RPL39L: variants seen among roughly 807,000 people sequenced by gnomAD.
RPL39L encodes the protein ribosomal protein eL39-like 2.
For synonymous variants in RPL39L, 16 were observed against 20.1 expected (o/e 0.80, Z 0.55); for missense variants, 48 against 58.9 (o/e 0.81, Z 0.61).
chr3:187,123,853 G>C (rs1393328904), intron 2 of RPL39L, among the ~76,000 whole-genome samples: 1 of 152,202 alleles, frequency 6.6e-6, no homozygotes, highest in Non-Finnish European at 1.5e-5. Flanking sequence ...GACACTTTGG[G>C]CTAGAAGCTC....
At position 187,135,000 on chromosome 3, in the gene RPL39L, C is replaced by T. The variant is rs1720550090; in HGVS notation, c.-93+4213G>A. Among the ~76,000 whole-genome samples, 3 of 152,206 alleles carry T rather than the reference C, an allele frequency of 2.0e-5. No individual in the cohort carries two copies. In the South Asian group the frequency reaches 6.2e-4, roughly 32 times the overall value. On this transcript the variant is annotated intron_variant, in intron 1 of 2. Transcript: ENST00000296277. Reference sequence around the variant, plus strand: ...CTTTGCATGTTGGGTGAAAGGGAAGCCTCAGAAAGGCAGTAATTTGAGCCA... The same window carrying T: ...CTTTGCATGTTGGGTGAAAGGGAAGTCTCAGAAAGGCAGTAATTTGAGCCA...
chr3:187,127,500 T>C (rs1274028741), intron 2 of RPL39L, among the ~76,000 whole-genome samples: 1 of 152,218 alleles, frequency 6.6e-6, no homozygotes, highest in African/African-American at 2.4e-5. Flanking sequence ...AGAACGCTGG[T>C]AATTTTCTAT....
chr3:187,128,416 AT>A (rs887022606), intron 1 of RPL39L, among the ~76,000 whole-genome samples: 1 of 152,126 alleles, frequency 6.6e-6, no homozygotes, highest in Non-Finnish European at 1.5e-5. Context: ...AATATTTGCC[AT>A]TTTTTTGATT....
chr3:187,129,075 G>C (rs1489826026), intron 1 of RPL39L, among the ~76,000 whole-genome samples: 1 of 152,202 alleles, frequency 6.6e-6, no homozygotes, highest in Admixed American at 6.5e-5. Flanking sequence ...TATGTGGCAA[G>C]ACAGTGATGA....
chr3:187,126,415 C>T (rs894197642), intron 2 of RPL39L, among the ~76,000 whole-genome samples: 1 of 152,090 alleles, frequency 6.6e-6, no homozygotes, highest in Non-Finnish European at 1.5e-5. Flanking sequence ...CTGCCCGCCT[C>T]GGCCTCCCAA....
chr3:187,128,650 C>T (rs1720438169), intron 1 of RPL39L, among the ~76,000 whole-genome samples: 1 of 152,122 alleles, frequency 6.6e-6, no homozygotes, highest in Non-Finnish European at 1.5e-5. Context: ...GCTGGGACTA[C>T]AGGTTATGTC....
At chr3:187,137,198 CAAAAAAAAAAAAA>C (rs33967617) in intron 1 of RPL39L, among the ~76,000 whole-genome samples, 1 of 37,636 alleles carries the variant, frequency 2.7e-5, no homozygotes, top group African/African-American at 8.9e-5. Flanking sequence ...CACTCTTCCT[CAAAAAAAAAAAAA>C]AAAAAAAAAA....
chr3:187,137,690 G>A (rs866488466), intron 1 of RPL39L, among the ~76,000 whole-genome samples: 4 of 151,776 alleles, frequency 2.6e-5, no homozygotes, highest in African/African-American at 2.4e-5. Flanking sequence ...GGGTGTGGTG[G>A]CAGGCACAGC....
rs1003856417 is a variant in RPL39L, at chr3:187,121,361, C to A, written c.-28-33G>T. The A allele has an allele frequency of 1.9e-5, 29 of 1,562,722 alleles. No individual in the cohort carries two copies. In the African/African-American group the frequency reaches 3.0e-4, roughly 16 times the overall value. ...GGAGAAAGGGAGAGAGAGACAGAGA[C>A]AATATTACCATAGGATAGGATAAGG... On this transcript the variant is annotated intron_variant, in intron 2 of 2. Transcript: ENST00000296277.
chr3:187,129,379 A>G lies in RPL39L; in HGVS notation c.-92-1317T>C, dbSNP rs2287137. Among the ~76,000 whole-genome samples, 878 of 152,320 alleles carry G rather than the reference A, an allele frequency of 5.8e-3. 16 individuals are homozygous for G. Among genetic ancestry groups the G allele is most frequent in the East Asian group, 0.052 (272 of 5,184 alleles). ...ATAATGTAACCTTCACCAAGCCTCA[A>G]ACCCAGTCTTCTCTGGGATCACTTC... On this transcript the variant is annotated intron_variant, in intron 1 of 2. Transcript: ENST00000296277.
At chr3:187,122,593 G>GAGAA (rs992394373) in intron 2 of RPL39L, among the ~76,000 whole-genome samples, 3 of 152,090 alleles carry the variant, frequency 2.0e-5, no homozygotes, top group African/African-American at 4.8e-5. Context: ...GCAGGAAGAA[G>GAGAA]AGAAAGAAAG....
At chr3:187,129,045 T>C (rs150428809) in intron 1 of RPL39L, among the ~76,000 whole-genome samples, 18 of 152,334 alleles carry the variant, frequency 1.2e-4, no homozygotes, top group African/African-American at 4.3e-4. Flanking sequence ...TGCCTAATCA[T>C]TATCATATCA....
intron 1 of RPL39L, among the ~76,000 whole-genome samples, chr3:187,132,355 T>C (rs1278055340): frequency 2.0e-5 from 3 of 152,230 alleles, no homozygotes; most frequent in African/African-American, 7.2e-5. Flanking sequence ...CTCAAAAATC[T>C]ATGAAAGATG....
At chr3:187,128,975 T>C (rs1046839097) in intron 1 of RPL39L, among the ~76,000 whole-genome samples, 5 of 152,230 alleles carry the variant, frequency 3.3e-5, no homozygotes, top group Non-Finnish European at 7.3e-5. Flanking sequence ...GAGAGCTGTA[T>C]GCACCCATCC....
intron 2 of RPL39L, among the ~76,000 whole-genome samples, chr3:187,126,446 G>C (rs553733676): frequency 1.3e-5 from 2 of 152,070 alleles, no homozygotes; most frequent in Admixed American, 1.3e-4. Flanking sequence ...TTACAGGCTT[G>C]AGCCACCACG....
intron 2 of RPL39L, among the ~76,000 whole-genome samples, chr3:187,122,381 C>G (rs919639166): frequency 9.0e-5 from 5 of 55,348 alleles, no homozygotes; most frequent in African/African-American, 6.6e-4. Flanking sequence ...TCTGTCATGA[C>G]AAAGGCATTT....
chr3:187,135,392 G>A (rs531561944), intron 1 of RPL39L, among the ~76,000 whole-genome samples: 40 of 152,296 alleles, frequency 2.6e-4, no homozygotes, highest in Non-Finnish European at 5.4e-4. Flanking sequence ...GGTCTTTCCC[G>A]TGCTGTTCTT....
chr3:187,134,308 T>G (rs1013279473), intron 1 of RPL39L, among the ~76,000 whole-genome samples: 2 of 151,988 alleles, frequency 1.3e-5, no homozygotes, highest in African/African-American at 4.8e-5. Flanking sequence ...CTGGAGACAT[T>G]TGGCAGTATC....
At chr3:187,122,572 C>G (rs1201919474) in intron 2 of RPL39L, among the ~76,000 whole-genome samples, 1 of 152,064 alleles carries the variant, frequency 6.6e-6, no homozygotes, top group Non-Finnish European at 1.5e-5. Context: ...GGCATCTCCC[C>G]TAACATGCAG....
Sources: gnomAD v4.1 joint callset for allele counts (sites outside exome capture counted in the v4.1 genomes callset) on GRCh38, gnomAD v4.1.1 for gene constraint, MANE v1.5 for transcripts, NCBI Gene and HGNC (gene_info 2026-07-23, HGNC 2026-07-21) for gene names.